PCYT1B: variants seen among roughly 807,000 people sequenced by gnomAD.
PCYT1B encodes the protein choline-phosphate cytidylyltransferase B.
PCYT1B carries 10 observed loss-of-function variants against 26.4 expected under a neutral mutation model. The observed-to-expected ratio is 0.38, with a 90% CI of 0.23 to 0.64. PCYT1B has a LOEUF of 0.64. Among genes scored for constraint, PCYT1B ranks in the 30% least tolerant of loss-of-function variants. The probability of loss-of-function intolerance (pLI) is 0.56; values close to 1 mark genes in which losing one functional copy is unlikely to be tolerated. For synonymous variants in PCYT1B, 131 were observed against 108.4 expected, an observed-to-expected ratio of 1.21 and a Z score of -1.29; for missense variants, 161 against 292.7, an observed-to-expected ratio of 0.55 and a Z score of 3.28.
chrX:24,593,365 CGTTT>C (rs1467412070), intron 3 of PCYT1B, among the ~76,000 whole-genome samples: 36 of 106,078 alleles, frequency 3.4e-4, no homozygotes, highest in Non-Finnish European at 6.1e-4. Context: ...TTCTTTCTTT[CGTTT>C]CTTTCTTTCT....
upstream of PCYT1B, among the ~76,000 whole-genome samples, chrX:24,651,185 C>T (rs1035428648): frequency 1.0e-4 from 11 of 109,717 alleles, no homozygotes; most frequent in Non-Finnish European, 1.5e-4. Context: ...AGGCTGGGCG[C>T]GGTGGCTCAC....
chrX:24,625,893 C>T (rs1006251664), intron 1 of PCYT1B, among the ~76,000 whole-genome samples: 9 of 107,885 alleles, frequency 8.3e-5, no homozygotes, highest in African/African-American at 3.0e-4. Flanking sequence ...GCAGGTGGAT[C>T]GCCTGAGGTC....
intron 6 of PCYT1B, among the ~76,000 whole-genome samples, chrX:24,579,113 C>T (rs1405890548): frequency 9.5e-6 from 1 of 105,503 alleles, no homozygotes; most frequent in East Asian, 2.9e-4. Flanking sequence ...CATAGTGAGA[C>T]CCTGTCTCAA....
At chrX:24,653,455 T>C (rs920671401) in intron 1 of PCYT1B, among the ~76,000 whole-genome samples, 2 of 111,431 alleles carry the variant, frequency 1.8e-5, no homozygotes, top group Non-Finnish European at 3.8e-5. Context: ...TCTCAACCAA[T>C]GATTGATAGA....
intron 3 of PCYT1B, among the ~76,000 whole-genome samples, chrX:24,598,311 A>G (rs5944640): frequency 0.5 from 55,576 of 110,470 alleles, 10,455 homozygotes; most frequent in East Asian, 0.75. Context: ...ATAACAAAAA[A>G]TAAAATTATT....
rs900048622 is a variant in PCYT1B, at chrX:24,587,837, T to C, written c.487-518A>G. 1.9e-4 allele frequency among the ~76,000 whole-genome samples: 21 copies of C among 112,680 alleles called. No homozygotes were observed. The Admixed American group carries it at 1.9e-3, about 10-fold the overall frequency. ...CTACTTCAGTTGGGACATAAGGTGC[T>C]GAAACTAGAAAATTTGTTAGATTTA... On this transcript the variant is annotated intron_variant, in intron 4 of 7. Coordinates refer to ENST00000379144, the MANE Select transcript of PCYT1B (RefSeq NM_004845.5).
chrX:24,601,422 G>A (rs1194780717), intron 3 of PCYT1B, among the ~76,000 whole-genome samples: 1 of 109,253 alleles, frequency 9.2e-6, no homozygotes, highest in African/African-American at 3.4e-5. Context: ...GAACCCGGGA[G>A]GCAGAGGTTG....
intron 1 of PCYT1B, among the ~76,000 whole-genome samples, chrX:24,637,420 T>C (rs1187254630): frequency 1.0e-5 from 1 of 96,719 alleles, no homozygotes; most frequent in African/African-American, 4.1e-5. Context: ...GGCGGGAGGG[T>C]CACTTGAGGT....
chrX:24,608,316 C>A (rs1446043891), intron 2 of PCYT1B, among the ~76,000 whole-genome samples: 6 of 111,744 alleles, frequency 5.4e-5, no homozygotes, highest in Non-Finnish European at 1.1e-4. Flanking sequence ...GCTCACCTTA[C>A]AACCTTTCTT....
upstream of PCYT1B, among the ~76,000 whole-genome samples, chrX:24,648,587 T>G (rs1241845361): frequency 9.4e-6 from 1 of 106,896 alleles, no homozygotes; most frequent in Non-Finnish European, 1.9e-5. Context: ...GGCTTCTACA[T>G]CTTTCATTTT....
At chrX:24,586,539 G>T (rs957787437) in intron 5 of PCYT1B, among the ~76,000 whole-genome samples, 4 of 112,019 alleles carry the variant, frequency 3.6e-5, no homozygotes, top group Non-Finnish European at 7.5e-5. Context: ...GTCAACAATG[G>T]CTCTAGTATA....
intron 2 of PCYT1B, among the ~76,000 whole-genome samples, chrX:24,610,671 A>G (rs975701568): frequency 3.6e-5 from 4 of 111,995 alleles, no homozygotes; most frequent in African/African-American, 1.3e-4. Flanking sequence ...GAAAAAGGCC[A>G]TTTAGTAAAT....
At position 24,562,036 on chromosome X, in the gene PCYT1B, A is replaced by G. The variant is rs190933762; in HGVS notation, c.*257T>C. On this transcript the variant is annotated 3_prime_UTR_variant, in exon 8 of 8. Coordinates refer to ENST00000379144, the MANE Select transcript of PCYT1B (RefSeq NM_004845.5). ...TCTAGGGAACTCTGCATCCTTCCTT[A>G]GCAAGGTTAGAGTGACTCTAGACGC... The G allele has an allele frequency of 2.6e-5, 30 of 1,152,173 alleles. No homozygotes were observed. The African/African-American group carries it at 3.7e-4, about 14-fold the overall frequency. 95.0% of individuals were successfully genotyped at this position (1,152,173 alleles called of 1,213,427 possible).
upstream of PCYT1B, among the ~76,000 whole-genome samples, chrX:24,651,473 ATATATAT>A (rs1231622048): frequency 1.5e-3 from 43 of 28,056 alleles, no homozygotes; most frequent in African/African-American, 7.0e-3. Context: ...AAAAAAAAAA[ATATATAT>A]ATATATATAT....
chrX:24,624,682 G>C (rs1445296065), intron 1 of PCYT1B, among the ~76,000 whole-genome samples: 1 of 111,720 alleles, frequency 9.0e-6, no homozygotes, highest in Non-Finnish European at 1.9e-5. Context: ...CTTCCTCTCT[G>C]CTAGGAAGCA....
intron 1 of PCYT1B, among the ~76,000 whole-genome samples, chrX:24,656,742 G>A (rs1926929468): frequency 9.3e-6 from 1 of 107,416 alleles, no homozygotes; most frequent in African/African-American, 3.4e-5. Flanking sequence ...TTTTAGTAGA[G>A]ACGGGTCTCA....
At chrX:24,650,646 T>C (rs1926745314), upstream of PCYT1B, among the ~76,000 whole-genome samples, 1 of 111,952 alleles carries the variant, frequency 8.9e-6, no homozygotes, top group Admixed American at 9.5e-5. Context: ...ATCTTGATTA[T>C]GGTAATGATT....
intron 1 of PCYT1B, among the ~76,000 whole-genome samples, chrX:24,643,275 A>C (rs1926521100): frequency 1.3e-5 from 1 of 79,845 alleles, no homozygotes; most frequent in Admixed American, 1.7e-4. Context: ...CTTGTATCTC[A>C]GGAGTTAGAT....
chrX:24,664,527 T>C (rs1329078446), intron 1 of PCYT1B, among the ~76,000 whole-genome samples: 2 of 112,367 alleles, frequency 1.8e-5, no homozygotes, highest in African/African-American at 6.5e-5. Context: ...CATCACTTTA[T>C]TAACTCGTGG....
Sources: gnomAD v4.1 joint callset for allele counts (sites outside exome capture counted in the v4.1 genomes callset) on GRCh38, gnomAD v4.1.1 for gene constraint, MANE v1.5 for transcripts, NCBI Gene and HGNC (gene_info 2026-07-23, HGNC 2026-07-21) for gene names.